The following PRRX2 variants were observed in gnomAD, a reference collection of about 807,000 sequenced individuals.
PRRX2 encodes the protein paired mesoderm homeobox protein 2.
In PRRX2, 11 loss-of-function variants were observed where a neutral mutation model predicts 18.0. That is an observed-to-expected ratio of 0.61 (90% CI 0.39 to 1.01). The LOEUF (loss-of-function observed/expected upper bound fraction) is 1.01. Among genes scored for constraint, PRRX2 ranks in the 50% least tolerant of loss-of-function variants. The pLI, the probability that PRRX2 is intolerant of heterozygous loss-of-function variation, is 0.01. For missense variants in PRRX2, 387 were observed against 351.0 expected (o/e 1.10, Z -0.82); for synonymous variants, 177 against 154.8 (o/e 1.14, Z -1.06).
At chr9:129,676,608 C>T (rs1832164720) in intron 1 of PRRX2, among the ~76,000 whole-genome samples, 1 of 152,166 alleles carries the variant, frequency 6.6e-6, no homozygotes, top group South Asian at 2.1e-4. Context: ...CTGAACCGGC[C>T]CCTGCCCTCA....
At chr9:129,702,128 T>G (rs2130925216) in intron 1 of PRRX2, among the ~76,000 whole-genome samples, 1 of 150,942 alleles carries the variant, frequency 6.6e-6, no homozygotes, top group Non-Finnish European at 1.5e-5. Context: ...CCAGGCGCGG[T>G]GGCTCACACC....
intron 1 of PRRX2, among the ~76,000 whole-genome samples, chr9:129,670,593 T>C (rs373744115): frequency 1.4e-4 from 22 of 152,296 alleles, no homozygotes; most frequent in African/African-American, 4.8e-4. Flanking sequence ...CAGGCTGGTC[T>C]TGAACTCCTG....
intron 1 of PRRX2, among the ~76,000 whole-genome samples, chr9:129,710,303 TG>T (rs1343393249): frequency 6.6e-6 from 1 of 152,130 alleles, no homozygotes; most frequent in Non-Finnish European, 1.5e-5. Flanking sequence ...GTGGCCTAGG[TG>T]GCCCCATCCA....
intron 1 of PRRX2, among the ~76,000 whole-genome samples, chr9:129,711,401 T>C (rs970501213): frequency 1.9e-5 from 2 of 102,636 alleles, no homozygotes; most frequent in Non-Finnish European, 3.8e-5. Context: ...GAGATTCTCT[T>C]TTTTTTTTTT....
chr9:129,714,237 G>A (rs1033706452), intron 1 of PRRX2, among the ~76,000 whole-genome samples: 2 of 151,252 alleles, frequency 1.3e-5, no homozygotes, highest in Admixed American at 6.6e-5. Context: ...CCCAGGAGCC[G>A]GAGGTTGCAG....
chr9:129,680,870 C>T (rs1476963528), intron 1 of PRRX2, among the ~76,000 whole-genome samples: 1 of 152,212 alleles, frequency 6.6e-6, no homozygotes, highest in Non-Finnish European at 1.5e-5. Flanking sequence ...TTTTCCACAG[C>T]ACAAATGGTA....
intron 1 of PRRX2, among the ~76,000 whole-genome samples, chr9:129,678,204 T>C (rs1344901263): frequency 6.6e-6 from 1 of 152,112 alleles, no homozygotes; most frequent in Non-Finnish European, 1.5e-5. Context: ...CCTCAGGTGA[T>C]CCGCCTGCCT....
chr9:129,683,673 TGCAGTGA>T lies in PRRX2; in HGVS notation c.259+17552_259+17558del, dbSNP rs1303874704. ...TGGCGGGAACCCGGGAGGCGGAGCT[TGCAGTGA>T]GCAGAGATCGCGCCACTGCACTCCA... On this transcript the variant is annotated intron_variant, in intron 1 of 3. Coordinates refer to ENST00000372469, the MANE Select transcript of PRRX2 (RefSeq NM_016307.4). 2.6e-5 allele frequency among the ~76,000 whole-genome samples: 4 copies of T among 151,812 alleles called. No homozygotes were observed. The East Asian group carries it at 7.7e-4, about 29-fold the overall frequency.
chr9:129,707,340 G>C (rs888392125), intron 1 of PRRX2, among the ~76,000 whole-genome samples: 1 of 152,074 alleles, frequency 6.6e-6, no homozygotes, highest in African/African-American at 2.4e-5. Context: ...TTAGCATCAT[G>C]TTTTCAAGGT....
intron 2 of PRRX2, 66 bp from the exon 3 acceptor site, chr9:129,720,530 C>G (rs886996526): frequency 6.0e-5 from 88 of 1,459,866 alleles, no homozygotes; most frequent in Non-Finnish European, 7.7e-5. Context: ...CAGGCACACA[C>G]CCAGGTCCAG....
At chr9:129,694,436 C>T (rs549494183) in intron 1 of PRRX2, among the ~76,000 whole-genome samples, 16 of 152,302 alleles carry the variant, frequency 1.1e-4, no homozygotes, top group East Asian at 9.7e-4. Context: ...CCGCCCGCCT[C>T]GGCCTCCCAC....
chr9:129,667,072 A>G lies in PRRX2; in HGVS notation c.259+946A>G, dbSNP rs375985974. 5.3e-5 allele frequency among the ~76,000 whole-genome samples: 8 copies of G among 151,948 alleles called. No individual in the cohort carries two copies. In the East Asian group the frequency reaches 1.4e-3, roughly 26 times the overall value. On this transcript the variant is annotated intron_variant, in intron 1 of 3. Transcript: ENST00000372469. Reference sequence around the variant, plus strand: ...TTGGCTTTTCAGAGACAGGAGGTGCAGGGAAAACAGAGGTGGCTGCAGCCT... The same window carrying G: ...TTGGCTTTTCAGAGACAGGAGGTGCGGGGAAAACAGAGGTGGCTGCAGCCT...
chr9:129,682,406 G>A (rs1832244277), intron 1 of PRRX2, among the ~76,000 whole-genome samples: 1 of 152,126 alleles, frequency 6.6e-6, no homozygotes, highest in South Asian at 2.1e-4. Context: ...CTGAGGACCA[G>A]CCATACCCCT....
intron 1 of PRRX2, among the ~76,000 whole-genome samples, chr9:129,691,520 G>A (rs1159672178): frequency 6.6e-6 from 1 of 151,920 alleles, no homozygotes; most frequent in Admixed American, 6.6e-5. Flanking sequence ...ACCTCTTCTC[G>A]ATTTCGTCTT....
rs1318645672 is a variant in PRRX2, at chr9:129,671,902, G to C, written c.259+5776G>C. Among the ~76,000 whole-genome samples the C allele has an allele frequency of 6.6e-6, 1 of 152,072 alleles. No homozygotes were observed. Among genetic ancestry groups the C allele is most frequent in the Non-Finnish European group, 1.5e-5 (1 of 68,002 alleles). On this transcript the variant is annotated intron_variant, in intron 1 of 3. Transcript: ENST00000372469. This position sits in a 1 kb window ranked among gnomAD's most constrained non-coding sequence, Gnocchi z 4.0. The stretch of plus-strand genomic sequence containing the variant: ...GGGAAGGGGAGCTCTCCTGGCTGTT[G>C]GGGAGATTCTGGCTGAGGCTTGTTG...
At chr9:129,666,916 G>T (rs1466945779) in intron 1 of PRRX2, among the ~76,000 whole-genome samples, 1 of 152,196 alleles carries the variant, frequency 6.6e-6, no homozygotes, top group African/African-American at 2.4e-5. Context: ...GGGATGGGCC[G>T]GCCTGCTGGG....
intron 1 of PRRX2, among the ~76,000 whole-genome samples, chr9:129,697,426 ATTAACG>A (rs2130922240): frequency 6.6e-6 from 1 of 151,478 alleles, no homozygotes; most frequent in African/African-American, 2.4e-5. Flanking sequence ...CGCGGGATCT[ATTAACG>A]TCTGTGTGTC....
At chr9:129,719,597 G>C (rs536473959) in intron 2 of PRRX2, among the ~76,000 whole-genome samples, 179 bp downstream of exon 2, 8 of 152,396 alleles carry the variant, frequency 5.2e-5, no homozygotes, top group African/African-American at 1.9e-4. Context: ...TTGAGCAAGT[G>C]ACTTAAGCTG....
At chr9:129,690,538 G>A (rs1832348867) in intron 1 of PRRX2, among the ~76,000 whole-genome samples, 1 of 141,418 alleles carries the variant, frequency 7.1e-6, no homozygotes, top group Non-Finnish European at 1.5e-5. Context: ...ACGGAGTCTC[G>A]CTCTGTCACC....
Sources: gnomAD v4.1 joint callset for allele counts (sites outside exome capture counted in the v4.1 genomes callset) on GRCh38, gnomAD v4.1.1 for gene constraint, Gnocchi (gnomAD v3.1) non-coding constraint, MANE v1.5 for transcripts, NCBI Gene and HGNC (gene_info 2026-07-23, HGNC 2026-07-21) for gene names.